Variants in PARN observed in about 807,000 individuals in gnomAD.
PARN encodes the protein poly(A)-specific ribonuclease.
In PARN, 71 loss-of-function variants were observed where a neutral mutation model predicts 102.8. The ratio of observed to expected loss-of-function variants is 0.69; its 90% confidence interval spans 0.57 to 0.84. The LOEUF is 0.84. Ranked by LOEUF, PARN falls within the 40% of genes least tolerant of loss-of-function variation. The probability of loss-of-function intolerance (pLI) is 0.00; values close to 1 mark genes in which losing one functional copy is unlikely to be tolerated. For synonymous variants in PARN, 261 were observed against 252.9 expected (o/e 1.03, Z -0.30); for missense variants, 782 against 760.9 (o/e 1.03, Z -0.33).
chr16:14,501,230 A>G (rs1964568305), intron 21 of PARN, among the ~76,000 whole-genome samples: 1 of 149,822 alleles, frequency 6.7e-6, no homozygotes, highest in African/African-American at 2.5e-5. Flanking sequence ...GGAGTTAGAG[A>G]CCAGCCTGGG....
At chr16:14,542,768 A>T (rs553703168) in intron 21 of PARN, among the ~76,000 whole-genome samples, 13 of 152,240 alleles carry the variant, frequency 8.5e-5, no homozygotes, top group African/African-American at 2.9e-4. Flanking sequence ...ATAGACAGAA[A>T]ATATATAACC....
chr16:14,572,671 C>T (rs944733301), intron 18 of PARN, among the ~76,000 whole-genome samples: 5 of 152,172 alleles, frequency 3.3e-5, no homozygotes, highest in Admixed American at 6.5e-5. Context: ...GCTTCTATTA[C>T]GTACCAATGT....
intron 22 of PARN, among the ~76,000 whole-genome samples, chr16:14,447,799 T>A (rs1240837277): frequency 2.0e-5 from 3 of 152,168 alleles, no homozygotes; most frequent in Non-Finnish European, 4.4e-5. Flanking sequence ...TTTTTTATTA[T>A]AGCCCCCAAG....
intron 21 of PARN, among the ~76,000 whole-genome samples, chr16:14,505,817 T>A (rs1193148715): frequency 6.6e-6 from 1 of 152,184 alleles, no homozygotes; most frequent in African/African-American, 2.4e-5. Flanking sequence ...GAACTAAAAT[T>A]TGAATGACAT....
intron 5 of PARN, among the ~76,000 whole-genome samples, chr16:14,621,956 G>A (rs1419059551): frequency 6.6e-6 from 1 of 152,212 alleles, no homozygotes; most frequent in Non-Finnish European, 1.5e-5. Flanking sequence ...ACTTTGGGAG[G>A]CCAAGGCGGG....
At chr16:14,533,400 G>T (rs1205011738) in intron 21 of PARN, among the ~76,000 whole-genome samples, 1 of 138,332 alleles carries the variant, frequency 7.2e-6, no homozygotes, top group South Asian at 2.3e-4. Context: ...ACCGTGGAAA[G>T]AGAGGGAGAC....
At chr16:14,621,655 A>G (rs1164943626) in intron 5 of PARN, among the ~76,000 whole-genome samples, 1 of 152,102 alleles carries the variant, frequency 6.6e-6, no homozygotes, top group Non-Finnish European at 1.5e-5. Flanking sequence ...TACTAAAAAT[A>G]CAAAAAATTA....
At chr16:14,472,617 CA>C (rs1962812537) in intron 22 of PARN, among the ~76,000 whole-genome samples, 1 of 152,198 alleles carries the variant, frequency 6.6e-6, no homozygotes, top group East Asian at 1.9e-4. Context: ...CATGAAGGCA[CA>C]AAAAACATGG....
intron 21 of PARN, among the ~76,000 whole-genome samples, chr16:14,486,989 A>G (rs912107512): frequency 6.6e-6 from 1 of 152,236 alleles, no homozygotes; most frequent in Non-Finnish European, 1.5e-5. Flanking sequence ...TCCCTCACAT[A>G]AGAGTCTCAA....
intron 21 of PARN, among the ~76,000 whole-genome samples, chr16:14,541,925 A>G (rs989546918): frequency 6.6e-6 from 1 of 152,236 alleles, no homozygotes; most frequent in African/African-American, 2.4e-5. Flanking sequence ...AGAACCAGGA[A>G]AACATGACCC....
At chr16:14,576,394 CTCTT>C (rs771758277) in intron 18 of PARN, 5 of 152,220 alleles carry the variant, frequency 3.3e-5, no homozygotes, top group Non-Finnish European at 7.3e-5. Flanking sequence ...CTTATTCTTC[CTCTT>C]TCTAAGAACT....
At chr16:14,512,270 G>C (rs1965228384) in intron 21 of PARN, among the ~76,000 whole-genome samples, 2 of 152,196 alleles carry the variant, frequency 1.3e-5, no homozygotes, top group African/African-American at 4.8e-5. Context: ...GGGAGGCTGA[G>C]GCAGGCAGAT....
intron 5 of PARN, among the ~76,000 whole-genome samples, chr16:14,622,536 G>A (rs747538566): frequency 1.3e-5 from 2 of 152,154 alleles, no homozygotes; most frequent in African/African-American, 4.8e-5. Flanking sequence ...ACGGAGTCTC[G>A]CTCTGTCACC....
intron 22 of PARN, among the ~76,000 whole-genome samples, chr16:14,456,520 G>C (rs1170287423): frequency 6.6e-6 from 1 of 152,058 alleles, no homozygotes; most frequent in African/African-American, 2.4e-5. Flanking sequence ...TAGTTGGCTG[G>C]AACGTTCATG....
chr16:14,450,519 T>C (rs1451758470), intron 22 of PARN, among the ~76,000 whole-genome samples: 7 of 151,328 alleles, frequency 4.6e-5, no homozygotes, highest in East Asian at 1.9e-4. Flanking sequence ...TATTTATGTA[T>C]ACACACACAC....
At chr16:14,589,978 C>G (rs757139907) in intron 13 of PARN, among the ~76,000 whole-genome samples, 1 of 151,714 alleles carries the variant, frequency 6.6e-6, no homozygotes, top group Admixed American at 6.6e-5. Flanking sequence ...AGGCCAAGCC[C>G]GGTGGCTCAC....
chr16:14,613,366 A>G (rs1461112459), intron 6 of PARN, among the ~76,000 whole-genome samples: 2 of 151,896 alleles, frequency 1.3e-5, no homozygotes, highest in East Asian at 1.9e-4. Flanking sequence ...TCATGCCTAT[A>G]ATCCCAGCAC....
At chr16:14,549,695 T>G (rs1308107248) in intron 21 of PARN, among the ~76,000 whole-genome samples, 1 of 152,166 alleles carries the variant, frequency 6.6e-6, no homozygotes, top group South Asian at 2.1e-4. Flanking sequence ...CTAACTCATG[T>G]TTTACAGATT....
intron 21 of PARN, among the ~76,000 whole-genome samples, chr16:14,532,174 A>ATTT (rs35785901): frequency 3.6e-5 from 5 of 138,282 alleles, no homozygotes; most frequent in Non-Finnish European, 7.9e-5. Context: ...TCAAACTCTG[A>ATTT]TTTTTTTTTT....
Sources: allele counts gnomAD v4.1 joint callset (sites outside exome capture counted in the v4.1 genomes callset), GRCh38; gene constraint gnomAD v4.1.1; transcripts MANE v1.5; gene names NCBI Gene and HGNC (gene_info 2026-07-23, HGNC 2026-07-21).